SLC5A4: variants seen among roughly 807,000 people sequenced by gnomAD.
SLC5A4 encodes solute carrier family 5 member 4.
Under a neutral mutation model 70.3 loss-of-function variants are expected in SLC5A4, and 55 were observed. The ratio of observed to expected loss-of-function variants is 0.78; its 90% CI spans 0.63 to 0.98. The LOEUF is 0.98. SLC5A4 is among the 50% of genes least tolerant of loss of function. The pLI is 0.00. For missense variants in SLC5A4, 735 were observed against 839.2 expected, an observed-to-expected ratio of 0.88 and a Z score of 1.53; for synonymous variants, 268 against 305.7, an observed-to-expected ratio of 0.88 and a Z score of 1.29.
At chr22:32,341,238 T>A in the SLC5A4 span, among the ~76,000 whole-genome samples, 1 of 150,418 alleles carries the variant, frequency 6.6e-6, no homozygotes, top group African/African-American at 2.5e-5. Flanking sequence ...TGGGTGGGGG[T>A]CCCCAGGGAG....
At chr22:32,267,683 A>G in the SLC5A4 span, among the ~76,000 whole-genome samples, 1 of 152,058 alleles carries the variant, frequency 6.6e-6, no homozygotes, top group Non-Finnish European at 1.5e-5. Context: ...TACATTCTCT[A>G]TTTCTCATTA....
intron 14 of SLC5A4, 56 bp downstream of exon 14, chr22:32,220,864 A>G: frequency 9.0e-7 from 1 of 1,107,796 alleles, no homozygotes; most frequent in Non-Finnish European, 1.4e-6. Flanking sequence ...AGAAAACCAT[A>G]AACAAGCCTG....
chr22:32,314,227 G>A, the SLC5A4 span, among the ~76,000 whole-genome samples: 40 of 152,248 alleles, frequency 2.6e-4, no homozygotes, highest in African/African-American at 7.9e-4. Flanking sequence ...CTCCATCACC[G>A]ACTTTTTTTT....
chr22:32,271,704 A>G, the SLC5A4 span: 159 of 566,432 alleles, frequency 2.8e-4, no homozygotes, highest in Admixed American at 1.1e-3. Context: ...GTGGGCATCA[A>G]TGGCCCTGTC....
chr22:32,260,522 A>AAAC, the SLC5A4 span, among the ~76,000 whole-genome samples: 1 of 151,330 alleles, frequency 6.6e-6, no homozygotes. Flanking sequence ...AAAAAAAAAC[A>AAAC]AAACCAAAAA....
At chr22:32,252,364 G>T (rs973593734) in intron 2 of SLC5A4, among the ~76,000 whole-genome samples, 2 of 152,154 alleles carry the variant, frequency 1.3e-5, no homozygotes, top group Non-Finnish European at 1.5e-5. Context: ...CACGAGCCAA[G>T]AATGTTTTTT....
At chr22:32,308,348 C>T in the SLC5A4 span, among the ~76,000 whole-genome samples, 14 of 152,182 alleles carry the variant, frequency 9.2e-5, no homozygotes, top group African/African-American at 2.7e-4. Context: ...ACGGTGATTG[C>T]GAAGGCAGCC....
At chr22:32,349,662 C>T in the SLC5A4 span, among the ~76,000 whole-genome samples, 16 of 152,218 alleles carry the variant, frequency 1.1e-4, no homozygotes, top group African/African-American at 3.9e-4. Flanking sequence ...ATTAGAGCTT[C>T]TATTTTTCTT....
chr22:32,236,837 T>TGGGACTACAAGCGCGCGCCACCACGCCG (rs1926090106), intron 7 of SLC5A4, among the ~76,000 whole-genome samples: 1 of 151,922 alleles, frequency 6.6e-6, no homozygotes, highest in African/African-American at 2.4e-5. Context: ...CTTGAGTAGC[T>TGGGACTACAAGCGCGCGCCACCACGCCG]GGGACTACAA....
At chr22:32,343,607 T>C in the SLC5A4 span, among the ~76,000 whole-genome samples, 1 of 152,244 alleles carries the variant, frequency 6.6e-6, no homozygotes, top group African/African-American at 2.4e-5. Context: ...TTTCATTGCT[T>C]ACATCCATAA....
At chr22:32,275,512 C>A in the SLC5A4 span, among the ~76,000 whole-genome samples, 2 of 152,182 alleles carry the variant, frequency 1.3e-5, no homozygotes, top group South Asian at 4.1e-4. Flanking sequence ...ATGATGGTTT[C>A]CAGCTTCATC....
the SLC5A4 span, among the ~76,000 whole-genome samples, chr22:32,312,410 A>G: frequency 2.6e-5 from 4 of 151,546 alleles, no homozygotes; most frequent in African/African-American, 7.3e-5. Context: ...TCTGACACAA[A>G]TAGCCCCAAG....
chr22:32,328,236 T>C, the SLC5A4 span, among the ~76,000 whole-genome samples: 4 of 152,160 alleles, frequency 2.6e-5, no homozygotes, highest in Non-Finnish European at 5.9e-5. Context: ...TGATTCTACA[T>C]TGAGGCCTGT....
Position 32,232,781 on chromosome 22 carries a change from T to C in SLC5A4, c.1021+118A>G. 3.0e-6 allele frequency: 4 copies of C among 1,325,942 alleles called. No individual in the cohort carries two copies. The South Asian group carries it at 4.4e-5, about 15-fold the overall frequency. The allele number at this position is 1,325,942 out of a possible 1,614,324, so 82.1% of individuals were successfully genotyped here. A position where few individuals can be genotyped will look rare whatever the true frequency, so the allele number is the denominator to read the frequency against. ...CACTGTGCAGGCTGCTCCCTCCACC[T>C]GGAAGTCTGCTTTTACTTCCTTCCA... On this transcript the variant is annotated intron_variant, in intron 9 of 14. Transcript: ENST00000266086.
At chr22:32,311,539 G>A in the SLC5A4 span, among the ~76,000 whole-genome samples, 16 of 152,288 alleles carry the variant, frequency 1.1e-4, no homozygotes, top group East Asian at 9.7e-4. Flanking sequence ...TGGATGTTAC[G>A]GGCATCTAGG....
At chr22:32,242,974 G>A (rs1926622712) in intron 5 of SLC5A4, among the ~76,000 whole-genome samples, 1 of 152,114 alleles carries the variant, frequency 6.6e-6, no homozygotes, top group Non-Finnish European at 1.5e-5. Flanking sequence ...AGAGGAACTG[G>A]ATATTTCAGT....
At chr22:32,320,754 T>C in the SLC5A4 span, among the ~76,000 whole-genome samples, 4 of 152,240 alleles carry the variant, frequency 2.6e-5, no homozygotes. Flanking sequence ...ATTCATTACC[T>C]AGATAACAAA....
At chr22:32,277,642 G>A in the SLC5A4 span, among the ~76,000 whole-genome samples, 1 of 152,050 alleles carries the variant, frequency 6.6e-6, no homozygotes, top group Admixed American at 6.5e-5. Flanking sequence ...CCGCTTCCCG[G>A]GTTCATGCCA....
chr22:32,271,439 C>G, the SLC5A4 span: 2 of 765,970 alleles, frequency 2.6e-6, no homozygotes, highest in African/African-American at 1.7e-5. Flanking sequence ...CCTTCCCCCA[C>G]GACTCTCGGC....
Sources: gnomAD v4.1 joint callset for allele counts (sites outside exome capture counted in the v4.1 genomes callset) on GRCh38, gnomAD v4.1.1 for gene constraint, MANE v1.5 for transcripts, NCBI Gene and HGNC (gene_info 2026-07-23, HGNC 2026-07-21) for gene names.